Variants in EFNA5 observed in about 807,000 individuals in gnomAD.
The protein encoded by EFNA5 is ephrin A5, also known as ephrin-A5.
A neutral mutation model predicts 22.9 loss-of-function variants in EFNA5; 5 were observed. The ratio of observed to expected loss-of-function variants is 0.22; its 90% CI spans 0.11 to 0.46. The LOEUF (loss-of-function observed/expected upper bound fraction) is 0.46, where lower values mean the gene tolerates loss of function less well. Among genes scored for constraint, EFNA5 ranks in the 20% least tolerant of loss-of-function variants. The pLI is 0.99. For synonymous variants in EFNA5, 113 were observed against 112.2 expected (o/e 1.01, Z -0.04); for missense variants, 237 against 293.3 (o/e 0.81, Z 1.40).
At position 107,496,386 on chromosome 5, in the gene EFNA5, C is replaced by G. The variant is rs146329119; in HGVS notation, c.126-68877G>C. Among the ~76,000 whole-genome samples, 10 of 149,802 alleles carry G rather than the reference C, an allele frequency of 6.7e-5. No homozygotes were observed. The East Asian group carries it at 2.0e-3, about 30-fold the overall frequency. ...ACAAAAAACAACAACTACCCAGCAT[C>G]TCTTTGCTACAGACAAGATCAGAGA... On this transcript the variant is annotated intron_variant, in intron 1 of 4. Transcript: ENST00000333274.
chr5:107,631,933 A>G (rs1252672636), intron 1 of EFNA5, among the ~76,000 whole-genome samples: 1 of 152,246 alleles, frequency 6.6e-6, no homozygotes, highest in Admixed American at 6.5e-5. Context: ...GGAAGCAAGT[A>G]GGCCAGCCAC....
intron 4 of EFNA5, among the ~76,000 whole-genome samples, chr5:107,384,653 C>G (rs1747563053): frequency 6.6e-6 from 1 of 151,980 alleles, no homozygotes; most frequent in Non-Finnish European, 1.5e-5. Context: ...GCTCTGTCAC[C>G]CAGGATGGAG....
chr5:107,465,004 C>G (rs116061797), intron 1 of EFNA5, among the ~76,000 whole-genome samples: 3 of 151,830 alleles, frequency 2.0e-5, no homozygotes, highest in African/African-American at 7.3e-5. Context: ...CTGAGCTCAC[C>G]GAGGAAGCAC....
At chr5:107,610,424 G>A (rs907194451) in intron 1 of EFNA5, among the ~76,000 whole-genome samples, 1 of 152,156 alleles carries the variant, frequency 6.6e-6, no homozygotes, top group Admixed American at 6.5e-5. Context: ...ATAGCACTTC[G>A]ACTGTTAGTT....
chr5:107,556,896 TA>T (rs1748433514), intron 1 of EFNA5, among the ~76,000 whole-genome samples: 1 of 152,064 alleles, frequency 6.6e-6, no homozygotes, highest in African/African-American at 2.4e-5. Context: ...CACATTCCAC[TA>T]ATGAAAAGCC....
intron 2 of EFNA5, among the ~76,000 whole-genome samples, chr5:107,398,617 CAGG>C (rs1747992880): frequency 6.6e-6 from 1 of 151,976 alleles, no homozygotes; most frequent in Non-Finnish European, 1.5e-5. Flanking sequence ...AAGGCTGAGA[CAGG>C]AGGACTGCTT....
At position 107,498,820 on chromosome 5, in the gene EFNA5, G is replaced by C. The variant is rs969291152; in HGVS notation, c.126-71311C>G. Among the ~76,000 whole-genome samples the C allele has an allele frequency of 2.6e-5, 4 of 152,124 alleles. No individual in the cohort carries two copies. The East Asian group carries it at 7.7e-4, about 29-fold the overall frequency. On this transcript the variant is annotated intron_variant, in intron 1 of 4. Transcript: ENST00000333274. ...AATAATGAGGCTTTCCAAGGAGGTA[G>C]GTTTGATGCCAATGTACACACTGTG...
At chr5:107,566,109 C>G (rs1748661882) in intron 1 of EFNA5, among the ~76,000 whole-genome samples, 1 of 152,192 alleles carries the variant, frequency 6.6e-6, no homozygotes, top group Non-Finnish European at 1.5e-5. Flanking sequence ...AAGAAAAACT[C>G]CACCTTATGG....
chr5:107,549,711 T>C (rs1396568509), intron 1 of EFNA5, among the ~76,000 whole-genome samples: 2 of 152,248 alleles, frequency 1.3e-5, no homozygotes, highest in African/African-American at 4.8e-5. Flanking sequence ...TCCTCTGATG[T>C]AGGATGCCTC....
chr5:107,555,258 C>T (rs1441880230), intron 1 of EFNA5, among the ~76,000 whole-genome samples: 9 of 152,208 alleles, frequency 5.9e-5, no homozygotes, highest in Non-Finnish European at 1.2e-4. Flanking sequence ...CTCTGGTACA[C>T]CTTCAGAACC....
chr5:107,418,274 G>A (rs1748558667), intron 2 of EFNA5, among the ~76,000 whole-genome samples: 1 of 152,090 alleles, frequency 6.6e-6, no homozygotes, highest in Admixed American at 6.5e-5. Flanking sequence ...CCTGGCATCT[G>A]CTCTATGTAA....
rs77186326 is a variant in EFNA5 at position 107,551,128 on chromosome 5, C to T, written c.125+119361G>A. Among the ~76,000 whole-genome samples, 12 of 152,228 alleles carry T rather than the reference C, an allele frequency of 7.9e-5. No individual in the cohort carries two copies. In the East Asian group the frequency reaches 2.3e-3, roughly 29 times the overall value. On this transcript the variant is annotated intron_variant, in intron 1 of 4. Transcript: ENST00000333274. ...TTTCATAGTCCTGGCCACCCTGTGGCCTTAGTACCATCATCATCTTTTTTT... is the reference window on the plus strand; with the variant it reads ...TTTCATAGTCCTGGCCACCCTGTGGTCTTAGTACCATCATCATCTTTTTTT...
At chr5:107,494,569 C>T (rs1746917417) in intron 1 of EFNA5, among the ~76,000 whole-genome samples, 1 of 152,260 alleles carries the variant, frequency 6.6e-6, no homozygotes, top group Non-Finnish European at 1.5e-5. Context: ...CACCCAAGGG[C>T]TGAGGAGTGC....
intron 1 of EFNA5, among the ~76,000 whole-genome samples, chr5:107,497,449 C>A (rs1037065092): frequency 6.6e-6 from 1 of 152,034 alleles, no homozygotes; most frequent in African/African-American, 2.4e-5. Flanking sequence ...CTGCCTAAGA[C>A]GTAAAGGCTG....
rs536874070 is a variant in EFNA5 at position 107,544,789 on chromosome 5, T to C, written c.126-117280A>G. Among the ~76,000 whole-genome samples the C allele has an allele frequency of 5.7e-4, 87 of 152,322 alleles. 1 individual carries two copies. Among genetic ancestry groups the C allele is most frequent in the Middle Eastern group, 6.8e-3 (2 of 294 alleles). On this transcript the variant is annotated intron_variant, in intron 1 of 4. Coordinates refer to ENST00000333274, the MANE Select transcript of EFNA5 (RefSeq NM_001962.3). ...GAGAACACAGAATGTCTTATTCCAATCACAACCCAAATATTTAGCACAATG... is the reference window on the plus strand; with the variant it reads ...GAGAACACAGAATGTCTTATTCCAACCACAACCCAAATATTTAGCACAATG...
intron 1 of EFNA5, among the ~76,000 whole-genome samples, chr5:107,560,972 G>C (rs1748529240): frequency 6.6e-6 from 1 of 152,114 alleles, no homozygotes; most frequent in Admixed American, 6.5e-5. Context: ...TCAACCAACA[G>C]GCAACTACTG....
intron 1 of EFNA5, among the ~76,000 whole-genome samples, chr5:107,568,707 A>G (rs1748714602): frequency 6.6e-6 from 1 of 152,248 alleles, no homozygotes; most frequent in Admixed American, 6.5e-5. Context: ...CAGAAATGCC[A>G]ACATAAATAA....
chr5:107,574,983 A>G (rs540982829), intron 1 of EFNA5, among the ~76,000 whole-genome samples: 26 of 152,348 alleles, frequency 1.7e-4, no homozygotes, highest in African/African-American at 6.3e-4. Flanking sequence ...ACCCCTGTCT[A>G]ATATGGGAAG....
At chr5:107,387,384 T>TG in intron 3 of EFNA5, 69 bp from the exon 4 acceptor site, 1 of 1,055,954 alleles carries the variant, frequency 9.5e-7, no homozygotes, top group Non-Finnish European at 1.4e-6. Context: ...ATTTCTTTCT[T>TG]TTTTCTTTCT....
Sources: gnomAD v4.1 joint callset for allele counts (sites outside exome capture counted in the v4.1 genomes callset) on GRCh38, gnomAD v4.1.1 for gene constraint, MANE v1.5 for transcripts, NCBI Gene and HGNC (gene_info 2026-07-23, HGNC 2026-07-21) for gene names.